Variants in VIL1 observed in about 807,000 individuals in gnomAD.
VIL1 encodes villin 1, also known as villin-1.
A neutral mutation model predicts 104.0 loss-of-function variants in VIL1; 86 were observed. That is an observed-to-expected ratio of 0.83 (90% CI 0.69 to 0.99). The LOEUF is 0.99. Among genes scored for constraint, VIL1 ranks in the 50% least tolerant of loss-of-function variants. The pLI is 0.00. For synonymous variants in VIL1, 394 were observed against 412.6 expected, an observed-to-expected ratio of 0.95 and a Z score of 0.55; for missense variants, 944 against 1,054.1, an observed-to-expected ratio of 0.90 and a Z score of 1.45.
At chr2:218,426,072 TCTGGAGG>T (rs1441715137) in intron 4 of VIL1, among the ~76,000 whole-genome samples, 2 of 152,186 alleles carry the variant, frequency 1.3e-5, no homozygotes, top group East Asian at 3.9e-4. Flanking sequence ...CTGTCCTTGG[TCTGGAGG>T]CTGTTCTGAA....
intron 4 of VIL1, among the ~76,000 whole-genome samples, chr2:218,426,868 C>A (rs984970954): frequency 2.6e-5 from 4 of 152,198 alleles, no homozygotes; most frequent in Non-Finnish European, 5.9e-5. Context: ...TCCCAAAGTG[C>A]TGGGATTACA....
chr2:218,431,015 A>G (rs1429484870), intron 10 of VIL1, 137 bp downstream of exon 10: 2 of 1,183,664 alleles, frequency 1.7e-6, no homozygotes, highest in East Asian at 2.6e-5. Flanking sequence ...GGCTTGTCCT[A>G]GCAGATGGGG....
At chr2:218,444,567 C>T (rs1479618371) in intron 19 of VIL1, among the ~76,000 whole-genome samples, 6 of 152,212 alleles carry the variant, frequency 3.9e-5, no homozygotes, top group South Asian at 2.1e-4. Context: ...CGTGAGCCAC[C>T]GTGCCCGGCC....
rs1689169220 is a variant in VIL1, at chr2:218,435,290, G to A, written c.1682G>A (p.Gly561Asp). Residue 561 changes from glycine to aspartate, a missense_variant and splice_region_variant, in exon 15 of 20, where the codon GGT becomes GAT. By Grantham distance (94) the Gly-to-Asp change is moderately conservative. Transcript: ENST00000248444. ...TTAGCCAACTCTTTTTTTTCCTAGGGTTGTAGCGGGGACGAGCGGGAGATG... is the reference window on the plus strand; with the variant it reads ...TTAGCCAACTCTTTTTTTTCCTAGGATTGTAGCGGGGACGAGCGGGAGATG... ...QSCCYLWCGK[G>D]CSGDEREMAK... The A allele has an allele frequency of 3.7e-6, 6 of 1,612,528 alleles. No individual in the cohort carries two copies. In the East Asian group the frequency reaches 6.7e-5, roughly 18 times the overall value.
At chr2:218,435,233 T>C in intron 14 of VIL1, 56 bp from the exon 15 acceptor site, 2 of 1,589,154 alleles carry the variant, frequency 1.3e-6, no homozygotes, top group Admixed American at 1.7e-5. Flanking sequence ...GTGAATGTAG[T>C]AGGAGGGTGG....
rs941646001 is a variant in VIL1, at chr2:218,453,147, T to C, written c.*3811T>C. 1 of 152,186 alleles carries C rather than the reference T, an allele frequency of 6.6e-6. No individual in the cohort carries two copies. Among genetic ancestry groups the C allele is most frequent in the East Asian group, 1.9e-4 (1 of 5,190 alleles). 9.4% of individuals were successfully genotyped at this position (152,186 alleles called of 1,614,324 possible). A position where few individuals can be genotyped will look rare whatever the true frequency, so the allele number is the denominator to read the frequency against. On this transcript the variant is annotated 3_prime_UTR_variant, in exon 20 of 20. Transcript: ENST00000248444. ...TTCAAAGAATGAAAACTTAGAATAG[T>C]TTACTACATTAGAATACATCCAAGT...
intron 6 of VIL1, among the ~76,000 whole-genome samples, chr2:218,428,677 A>ATT (rs370538117): frequency 3.3e-5 from 5 of 150,042 alleles, no homozygotes; most frequent in African/African-American, 1.2e-4. Flanking sequence ...GTGCAAAGAG[A>ATT]TTTTTTTTTT....
rs1689434126 is a variant in VIL1 at position 218,449,620 on chromosome 2, A to C, written c.*284A>C. The C allele has an allele frequency of 3.3e-6, 1 of 301,346 alleles. No individual in the cohort carries two copies. The highest frequency in any genetic ancestry group is 6.5e-6 in the Non-Finnish European group (1 of 152,862). The allele number at this position is 301,346 out of a possible 1,614,324, so 18.7% of individuals were successfully genotyped here. A position where few individuals can be genotyped will look rare whatever the true frequency, so the allele number is the denominator to read the frequency against. ...AATACTCCTATAGTTTTCTCTTCTT[A>C]GAAGAGCACAAACACTCCATGGAAC... is the stretch of plus-strand genomic sequence containing the variant. On this transcript the variant is annotated 3_prime_UTR_variant, in exon 20 of 20. Coordinates refer to ENST00000248444, the MANE Select transcript of VIL1 (RefSeq NM_007127.3).
Position 218,436,599 on chromosome 2 carries a change from T to C in VIL1, c.1944T>C (p.Asp648=), listed in dbSNP as rs770810848. Residue 648 remains aspartate, a synonymous_variant, in exon 16 of 20, where the codon GAT becomes GAC. Coordinates refer to ENST00000248444, the MANE Select transcript of VIL1 (RefSeq NM_007127.3). The part of the protein sequence containing the change: ...DFNQDDLEED[D]VFLLDVWDQV... ...ATCAGGATGACTTGGAAGAGGATGA[T>C]GTGTTCCTACTAGATGTCTGGGACC... 1.9e-6 allele frequency: 3 copies of C among 1,614,086 alleles called. No homozygotes were observed. The highest frequency in any genetic ancestry group is 2.5e-6 in the Non-Finnish European group (3 of 1,180,016).
intron 4 of VIL1, among the ~76,000 whole-genome samples, chr2:218,426,805 T>C (rs1391809085): frequency 5.3e-5 from 8 of 151,932 alleles, no homozygotes; most frequent in South Asian, 4.1e-4. Context: ...GGTTTCACCG[T>C]GTTAGCCAGG....
intron 1 of VIL1, among the ~76,000 whole-genome samples, chr2:218,419,900 A>T (rs1385635161): frequency 1.3e-5 from 2 of 152,178 alleles, no homozygotes; most frequent in African/African-American, 4.8e-5. Context: ...TCTTCTCGGG[A>T]CATCATCTGC....
At chr2:218,441,167 T>G (rs1437702557) in intron 19 of VIL1, among the ~76,000 whole-genome samples, 1 of 152,072 alleles carries the variant, frequency 6.6e-6, no homozygotes, top group Non-Finnish European at 1.5e-5. Context: ...GGTGGGTGGA[T>G]CACCTGAGGT....
rs141936274 is a variant in VIL1, at chr2:218,436,504, A to G, written c.1849A>G (p.Ile617Val). The G allele has an allele frequency of 1.1e-3, 1,707 of 1,614,012 alleles. 2 individuals are homozygous for G. The highest frequency in any genetic ancestry group is 1.3e-3 in the Non-Finnish European group (1,523 of 1,180,004). ...TKRLQEENLV[I>V]TPRLFECSNK... The stretch of plus-strand genomic sequence containing the variant: ...CAGACTACAGGAAGAAAACCTGGTC[A>G]TCACCCCCCGGCTCTTTGAGTGTTC... The change falls in exon 16 of 20, where the codon ATC becomes GTC. Residue 617 changes from isoleucine (I) to valine (V), a missense_variant. Coordinates refer to ENST00000248444, the MANE Select transcript of VIL1 (RefSeq NM_007127.3).
At chr2:218,434,451 C>T (rs1051558842) in intron 13 of VIL1, 75 bp from the exon 14 acceptor site, 70 of 1,477,276 alleles carry the variant, frequency 4.7e-5, no homozygotes, top group Non-Finnish European at 6.3e-5. Context: ...CTACCCTATC[C>T]CCCTCTGTTC....
chr2:218,434,312 G>A (rs1409874255), intron 13 of VIL1, among the ~76,000 whole-genome samples: 1 of 152,168 alleles, frequency 6.6e-6, no homozygotes, highest in Non-Finnish European at 1.5e-5. Context: ...CTGAGGAGCT[G>A]GGCTTTAGGC....
chr2:218,422,678 G>A (rs1688918584), intron 1 of VIL1, among the ~76,000 whole-genome samples: 1 of 152,234 alleles, frequency 6.6e-6, no homozygotes, highest in Non-Finnish European at 1.5e-5. Context: ...AAGGTGCAAG[G>A]AGAGATTAGA....
intron 18 of VIL1, among the ~76,000 whole-genome samples, chr2:218,439,283 G>A (rs1258104713): frequency 2.6e-5 from 4 of 152,040 alleles, no homozygotes; most frequent in Admixed American, 2.0e-4. Context: ...GGCAGGGAGT[G>A]AGGGGGAAGC....
intron 3 of VIL1, among the ~76,000 whole-genome samples, chr2:218,424,865 G>T (rs1213347190): frequency 6.6e-6 from 1 of 152,030 alleles, no homozygotes; most frequent in African/African-American, 2.4e-5. Context: ...TCACCATGTT[G>T]ATCAGGCTGG....
At chr2:218,433,200 C>T (rs1274265775) in intron 13 of VIL1, among the ~76,000 whole-genome samples, 1 of 152,178 alleles carries the variant, frequency 6.6e-6, no homozygotes, top group Non-Finnish European at 1.5e-5. Flanking sequence ...CTTTGGGGGG[C>T]TGAGGCGGGT....
Sources: gnomAD v4.1 joint callset for allele counts (sites outside exome capture counted in the v4.1 genomes callset) on GRCh38, gnomAD v4.1.1 for gene constraint, MANE v1.5 for transcripts, NCBI Gene and HGNC (gene_info 2026-07-23, HGNC 2026-07-21) for gene names.